CA5A: variants seen among roughly 807,000 people sequenced by gnomAD.
CA5A encodes carbonic anhydrase 5A, mitochondrial.
In CA5A, 28 loss-of-function variants were observed where a neutral mutation model predicts 37.1. The ratio of observed to expected loss-of-function variants is 0.75; its 90% CI spans 0.56 to 1.03. The LOEUF is 1.03. CA5A is among the 50% of genes least tolerant of loss of function. CA5A has a pLI of 0.00. For missense variants in CA5A, 444 were observed against 399.9 expected (o/e 1.11, Z -0.94); for synonymous variants, 171 against 158.4 (o/e 1.08, Z -0.60).
In CA5A at chr16:87,911,259, G is replaced by A. The variant is rs11865341; in HGVS notation, c.341-6355C>T. 4.4e-4 allele frequency among the ~76,000 whole-genome samples: 67 copies of A among 152,224 alleles called. 1 individual carries two copies. The highest frequency in any genetic ancestry group is 2.5e-3 in the South Asian group (12 of 4,826). ...CTGTGTAAGCAGGTGCGTCAGAACC[G>A]GCTCATGGAGATATAATTGAACGAT... On this transcript the variant is annotated intron_variant, in intron 2 of 6. Coordinates refer to ENST00000649794, the MANE Select transcript of CA5A (RefSeq NM_001739.2). The surrounding 1 kb of genome is among the most constrained non-coding windows in gnomAD (Gnocchi z 4.6).
intron 5 of CA5A, among the ~76,000 whole-genome samples, 177 bp downstream of exon 5, chr16:87,901,735 G>A (rs1265196615): frequency 6.6e-6 from 1 of 151,952 alleles, no homozygotes; most frequent in Admixed American, 6.6e-5. Context: ...TTGCAGGCAT[G>A]TGCCACCGCA....
chr16:87,904,749 G>C (rs374999836), intron 3 of CA5A, 37 bp downstream of exon 3: 26 of 1,231,140 alleles, frequency 2.1e-5, no homozygotes, highest in Non-Finnish European at 2.9e-5. Context: ...GACATGGAAA[G>C]TGTGCAGATA....
chr16:87,885,295 C>T (rs2055640040), downstream of CA5A: 1 of 152,692 alleles, frequency 6.5e-6, no homozygotes, highest in Admixed American at 6.5e-5. Flanking sequence ...ATAAAGAACT[C>T]CTAAAAATCA....
rs760454867 is a variant in CA5A, at chr16:87,900,422, G to A, written c.618+1490C>T. Among the ~76,000 whole-genome samples the A allele has an allele frequency of 3.9e-4, 59 of 152,338 alleles. No individual in the cohort carries two copies. In the Middle Eastern group the frequency reaches 0.024, roughly 61 times the overall value. On this transcript the variant is annotated intron_variant, in intron 5 of 6. Coordinates refer to ENST00000649794, the MANE Select transcript of CA5A (RefSeq NM_001739.2). ...GGCGAAGGCCACGTACAGATCAAAC[G>A]TCTCCTTGAACCGCGAGGAAGGGCT...
intron 1 of CA5A, among the ~76,000 whole-genome samples, chr16:87,931,607 A>C (rs2056406666): frequency 6.6e-6 from 1 of 152,208 alleles, no homozygotes; most frequent in Non-Finnish European, 1.5e-5. Flanking sequence ...CTGAGAAGAT[A>C]AGCTCGCTGG....
rs780587608 is a variant in CA5A, at chr16:87,936,410, A to G, written c.41T>C (p.Phe14Ser). The G allele has an allele frequency of 5.0e-6, 8 of 1,613,886 alleles. No homozygotes were observed. The African/African-American group carries it at 1.1e-4, about 22-fold the overall frequency. ...AGGGGCCCACATCTGCTCAACCAAG[A>G]AGGAGAAAGCTGAGGTCTTCCAAGT... Reference protein sequence around the residue: ...RNTWKTSAFSFLVEQMWAPLW... With the variant: ...RNTWKTSAFSSLVEQMWAPLW... Residue 14 changes from phenylalanine (F) to serine (S), a missense_variant, in exon 1 of 7, where the codon TTC becomes TCC. By Grantham distance (155) the Phe-to-Ser change is radical. Transcript: ENST00000649794.
chr16:87,908,855 G>A (rs551896351), intron 2 of CA5A, among the ~76,000 whole-genome samples: 3 of 151,950 alleles, frequency 2.0e-5, no homozygotes, highest in African/African-American at 4.8e-5. Flanking sequence ...TCACTCTGTC[G>A]CCCAGGCTGG....
intron 5 of CA5A, among the ~76,000 whole-genome samples, chr16:87,895,396 T>A (rs867989533): frequency 2.0e-5 from 3 of 151,682 alleles, no homozygotes; most frequent in South Asian, 2.1e-4. Context: ...AAATACAAAA[T>A]TAGCCAGGCG....
intron 5 of CA5A, among the ~76,000 whole-genome samples, chr16:87,898,791 G>A (rs1240492191): frequency 6.8e-6 from 1 of 147,574 alleles, no homozygotes; most frequent in African/African-American, 2.6e-5. Flanking sequence ...CTGGAGTGCA[G>A]TGGCACGATC....
At chr16:87,909,606 G>A (rs2143989404) in intron 2 of CA5A, among the ~76,000 whole-genome samples, 1 of 152,300 alleles carries the variant, frequency 6.6e-6, no homozygotes, top group East Asian at 1.9e-4. Context: ...AAGACACAGA[G>A]GCCTTTTTAC....
chr16:87,895,624 A>G (rs1222023042), intron 5 of CA5A, among the ~76,000 whole-genome samples: 1 of 152,226 alleles, frequency 6.6e-6, no homozygotes, highest in African/African-American at 2.4e-5. Context: ...GGGTATATTC[A>G]CAGTTGTGCA....
chr16:87,894,129 A>AT (rs983103382), intron 5 of CA5A, among the ~76,000 whole-genome samples: 3 of 151,336 alleles, frequency 2.0e-5, no homozygotes, highest in Non-Finnish European at 2.9e-5. Flanking sequence ...ATAACTTTTT[A>AT]TTTTTTTTAT....
chr16:87,894,238 C>G (rs1221789725), intron 5 of CA5A, among the ~76,000 whole-genome samples: 3 of 152,116 alleles, frequency 2.0e-5, no homozygotes, highest in Non-Finnish European at 4.4e-5. Flanking sequence ...CAGCCCTCAT[C>G]AGCGTCCCAT....
At position 87,936,279 on chromosome 16, in the gene CA5A, G is replaced by A. The variant is rs537509957; in HGVS notation, c.142+30C>T. ...CATCAGCTAAGACAAGGATCCAGTC[G>A]CATCTTAGGAAATTTGAGGCTCTAC... On this transcript the variant is annotated intron_variant, in intron 1 of 6. Coordinates refer to ENST00000649794, the MANE Select transcript of CA5A (RefSeq NM_001739.2). 3.5e-5 allele frequency: 53 copies of A among 1,517,676 alleles called. No individual in the cohort carries two copies. In the African/African-American group the frequency reaches 4.1e-4, roughly 12 times the overall value. The allele number at this position is 1,517,676 out of a possible 1,614,324, so 94.0% of individuals were successfully genotyped here. A position where few individuals can be genotyped will look rare whatever the true frequency, so the allele number is the denominator to read the frequency against.
At chr16:87,894,381 C>G (rs1223867176) in intron 5 of CA5A, among the ~76,000 whole-genome samples, 1 of 152,054 alleles carries the variant, frequency 6.6e-6, no homozygotes, top group Non-Finnish European at 1.5e-5. Flanking sequence ...CTTGACTTTG[C>G]TGGGCCCTGG....
chr16:87,901,578 C>CTTTAT (rs1555520628), intron 5 of CA5A, among the ~76,000 whole-genome samples: 27 of 149,428 alleles, frequency 1.8e-4, no homozygotes, highest in African/African-American at 5.7e-4. Context: ...ATACTGATTT[C>CTTTAT]TTTCTTTTCT....
intron 6 of CA5A, among the ~76,000 whole-genome samples, chr16:87,888,909 C>G (rs1051746102): frequency 6.7e-6 from 1 of 150,238 alleles, no homozygotes; most frequent in African/African-American, 2.4e-5. Flanking sequence ...CAAGCCACCA[C>G]GCCCGGCTAA....
At chr16:87,901,509 C>T (rs983959960) in intron 5 of CA5A, among the ~76,000 whole-genome samples, 20 of 152,314 alleles carry the variant, frequency 1.3e-4, no homozygotes, top group African/African-American at 4.3e-4. Context: ...CTTTCCACTA[C>T]GCCATTTCTT....
At chr16:87,898,310 G>A (rs1235352116) in intron 5 of CA5A, among the ~76,000 whole-genome samples, 2 of 152,228 alleles carry the variant, frequency 1.3e-5, no homozygotes, top group African/African-American at 2.4e-5. Flanking sequence ...TGCTGAGTCC[G>A]CGGGGGAGTG....
Sources: allele counts gnomAD v4.1 joint callset (sites outside exome capture counted in the v4.1 genomes callset), GRCh38; gene constraint gnomAD v4.1.1; non-coding constraint Gnocchi (gnomAD v3.1); transcripts MANE v1.5; gene names NCBI Gene and HGNC (gene_info 2026-07-23, HGNC 2026-07-21).